The following AKT3 variants were observed in gnomAD, a reference collection of about 807,000 sequenced individuals.
AKT3 encodes RAC-gamma serine/threonine-protein kinase.
Under a neutral mutation model 65.3 loss-of-function variants are expected in AKT3, and 15 were observed. That is an observed-to-expected ratio of 0.23 (90% CI 0.15 to 0.35). AKT3 has a LOEUF of 0.35. Among genes scored for constraint, AKT3 ranks in the 10% least tolerant of loss-of-function variants. The probability of loss-of-function intolerance (pLI) is 1.00; values close to 1 mark genes in which losing one functional copy is unlikely to be tolerated. For synonymous variants in AKT3, 206 were observed against 183.8 expected (o/e 1.12, Z -0.98); for missense variants, 243 against 576.5 (o/e 0.42, Z 5.92).
intron 2 of AKT3, among the ~76,000 whole-genome samples, chr1:243,839,667 T>TA (rs905335560): frequency 1.3e-5 from 2 of 152,270 alleles, no homozygotes; most frequent in African/African-American, 4.8e-5. Flanking sequence ...GCCCTTTTTT[T>TA]ATTTTCCAAG....
chr1:243,600,937 G>GA (rs1468239976), intron 8 of AKT3, among the ~76,000 whole-genome samples: 2 of 152,074 alleles, frequency 1.3e-5, no homozygotes, highest in Non-Finnish European at 2.9e-5. Context: ...AGAGTGAGGG[G>GA]AGAGAATTGA....
intron 2 of AKT3, among the ~76,000 whole-genome samples, chr1:243,814,241 C>T (rs958730957): frequency 4.6e-5 from 7 of 152,054 alleles, no homozygotes; most frequent in Admixed American, 6.6e-5. Flanking sequence ...CTCTTCTTTC[C>T]AATCACTGTA....
At chr1:243,736,970 C>T (rs923141223) in intron 2 of AKT3, among the ~76,000 whole-genome samples, 3 of 152,134 alleles carry the variant, frequency 2.0e-5, no homozygotes, top group African/African-American at 7.2e-5. Flanking sequence ...AGCAATCTTT[C>T]CAGCATCATT....
chr1:243,517,709 T>C (rs1012418821), intron 12 of AKT3, among the ~76,000 whole-genome samples: 9 of 152,246 alleles, frequency 5.9e-5, no homozygotes, highest in Admixed American at 5.2e-4. Flanking sequence ...GTTGGTTTCT[T>C]ATAAGCAGCA....
intron 2 of AKT3, among the ~76,000 whole-genome samples, chr1:243,790,668 G>C (rs1216100044): frequency 6.6e-6 from 1 of 152,176 alleles, no homozygotes; most frequent in Non-Finnish European, 1.5e-5. Flanking sequence ...CTTTTTGCCT[G>C]TCTTGGCTTT....
chr1:243,630,693 T>C (rs1208530554), intron 6 of AKT3, among the ~76,000 whole-genome samples: 1 of 152,194 alleles, frequency 6.6e-6, no homozygotes, highest in Non-Finnish European at 1.5e-5. Context: ...ATAACATGCT[T>C]TCAGCTGACA....
chr1:243,533,927 T>C (rs1048279501), intron 12 of AKT3, among the ~76,000 whole-genome samples: 8 of 152,148 alleles, frequency 5.3e-5, no homozygotes, highest in African/African-American at 1.9e-4. Flanking sequence ...GAGGCGGAGC[T>C]TGCAGTGAGC....
intron 8 of AKT3, among the ~76,000 whole-genome samples, chr1:243,592,802 A>T (rs1250929395): frequency 6.6e-6 from 1 of 152,188 alleles, no homozygotes; most frequent in Non-Finnish European, 1.5e-5. Flanking sequence ...GGGAACAGAA[A>T]TTAATTTTTC....
chr1:243,734,044 A>C (rs1366603963), intron 2 of AKT3, among the ~76,000 whole-genome samples: 1 of 152,232 alleles, frequency 6.6e-6, no homozygotes, highest in Non-Finnish European at 1.5e-5. Flanking sequence ...TCAACAGAAA[A>C]AAATTAGCTA....
intron 8 of AKT3, among the ~76,000 whole-genome samples, chr1:243,600,551 T>C (rs1676934716): frequency 6.6e-6 from 1 of 152,070 alleles, no homozygotes. Context: ...AATCATTCAA[T>C]GGGAGAAAGA....
intron 2 of AKT3, among the ~76,000 whole-genome samples, chr1:243,748,601 A>C (rs1452876280): frequency 6.6e-6 from 1 of 152,198 alleles, no homozygotes; most frequent in Non-Finnish European, 1.5e-5. Context: ...AATTTCAGAA[A>C]ATGTTAAAGT....
rs1331421173 is a variant in AKT3 at position 243,677,655 on chromosome 1, G to A, written c.173-12772C>T. On this transcript the variant is annotated intron_variant, in intron 3 of 13. Transcript: ENST00000673466. ...TTTTTTTCCACAGGAAAAGGTGAAA[G>A]GAGTAGATGTAAAGAATAAAGGATT... Among the ~76,000 whole-genome samples, 4 of 151,818 alleles carry A rather than the reference G, an allele frequency of 2.6e-5. No homozygotes were observed. In the East Asian group the frequency reaches 5.8e-4, roughly 22 times the overall value.
intron 1 of AKT3, among the ~76,000 whole-genome samples, chr1:243,849,412 G>T (rs866760227): frequency 3.0e-5 from 1 of 33,194 alleles, no homozygotes; most frequent in Admixed American, 4.3e-4. Context: ...CACCAGTGCC[G>T]TCTTTTCCTG....
intron 4 of AKT3, among the ~76,000 whole-genome samples, chr1:243,664,437 C>G (rs1473550949): frequency 6.6e-6 from 1 of 151,770 alleles, no homozygotes; most frequent in Admixed American, 6.6e-5. Flanking sequence ...ATCTCCTGAC[C>G]TTGTGATCCA....
chr1:243,668,869 A>C (rs1199983699), intron 3 of AKT3, among the ~76,000 whole-genome samples: 1 of 152,226 alleles, frequency 6.6e-6, no homozygotes, highest in Non-Finnish European at 1.5e-5. Context: ...GGGGATGTGC[A>C]AGACAATGAA....
intron 3 of AKT3, among the ~76,000 whole-genome samples, chr1:243,675,074 T>C (rs1426396597): frequency 6.6e-6 from 1 of 152,222 alleles, no homozygotes; most frequent in East Asian, 1.9e-4. Flanking sequence ...ACAACTTAAA[T>C]GCCTCGAGAT....
At chr1:243,708,524 C>G (rs949486289) in intron 2 of AKT3, among the ~76,000 whole-genome samples, 1 of 151,962 alleles carries the variant, frequency 6.6e-6, no homozygotes, top group African/African-American at 2.4e-5. Context: ...CTTTCCTCAT[C>G]ATTATCTGTA....
At chr1:243,517,961 C>T (rs972085093) in intron 12 of AKT3, among the ~76,000 whole-genome samples, 1 of 152,216 alleles carries the variant, frequency 6.6e-6, no homozygotes, top group African/African-American at 2.4e-5. Context: ...ATCAATCATT[C>T]AGTCTTGCAG....
At chr1:243,624,772 T>C (rs1248855739) in intron 6 of AKT3, 5 of 203,990 alleles carry the variant, frequency 2.5e-5, no homozygotes, top group African/African-American at 1.2e-4. Context: ...ATCCCATTTC[T>C]GTATGTGAAT....
Sources: allele counts gnomAD v4.1 joint callset (sites outside exome capture counted in the v4.1 genomes callset), GRCh38; gene constraint gnomAD v4.1.1; transcripts MANE v1.5; gene names NCBI Gene and HGNC (gene_info 2026-07-23, HGNC 2026-07-21).